Variants in BRSK2 observed in about 807,000 individuals in gnomAD.
BRSK2 encodes the protein BR serine/threonine kinase 2.
Under a neutral mutation model 83.3 loss-of-function variants are expected in BRSK2, and 19 were observed. The ratio of observed to expected loss-of-function variants is 0.23; its 90% CI spans 0.16 to 0.33. The LOEUF (loss-of-function observed/expected upper bound fraction) is 0.33, where lower values mean the gene tolerates loss of function less well. Ranked by LOEUF, BRSK2 falls within the 10% of genes least tolerant of loss-of-function variation. The probability of loss-of-function intolerance (pLI) is 1.00; values close to 1 mark genes in which losing one functional copy is unlikely to be tolerated. For missense variants in BRSK2, 798 were observed against 1,042.3 expected, an observed-to-expected ratio of 0.77 and a Z score of 3.23; for synonymous variants, 519 against 435.4, an observed-to-expected ratio of 1.19 and a Z score of -2.39.
chr11:1,416,002 T>C (rs1268914451), intron 1 of BRSK2, among the ~76,000 whole-genome samples: 3 of 152,274 alleles, frequency 2.0e-5, no homozygotes, highest in Admixed American at 2.0e-4. Context: ...CAGTGGGAAC[T>C]GGAACCAGGC....
Position 1,438,990 on chromosome 11 carries a change from C to T in BRSK2, c.272+599C>T, listed in dbSNP as rs547073855. Among the ~76,000 whole-genome samples, 32 of 152,202 alleles carry T rather than the reference C, an allele frequency of 2.1e-4. No homozygotes were observed. The South Asian group carries it at 3.9e-3, about 19-fold the overall frequency. On this transcript the variant is annotated intron_variant, in intron 3 of 19. Transcript: ENST00000528841. This position sits in a 1 kb window ranked among gnomAD's most constrained non-coding sequence, Gnocchi z 6.4. ...TGGGAATGGGCACAGTGGTCACTCA[C>T]GGCAGTCTCCTCTGTGTGCTCTGAT... is the stretch of plus-strand genomic sequence containing the variant.
At chr11:1,457,880 T>TGG (rs1846826089) in intron 18 of BRSK2, among the ~76,000 whole-genome samples, 1 of 152,030 alleles carries the variant, frequency 6.6e-6, no homozygotes, top group Admixed American at 6.6e-5. Flanking sequence ...GAAGCCCCAG[T>TGG]GGGTGGAGGA....
intron 1 of BRSK2, among the ~76,000 whole-genome samples, chr11:1,414,425 C>T (rs1847881010): frequency 6.6e-6 from 1 of 152,128 alleles, no homozygotes; most frequent in Non-Finnish European, 1.5e-5. Flanking sequence ...CCAGGATGAA[C>T]TTATGTGTGG....
At chr11:1,437,554 G>T (rs2133029142) in intron 2 of BRSK2, among the ~76,000 whole-genome samples, 1 of 152,326 alleles carries the variant, frequency 6.6e-6, no homozygotes, top group Admixed American at 6.5e-5. Context: ...CCTCCCTGGG[G>T]CCCTCCCCAC....
rs566222484 is a variant in BRSK2, at chr11:1,450,208, C to A, written c.1287+372C>A. On this transcript the variant is annotated intron_variant, in intron 13 of 19. Transcript: ENST00000528841. ...CTGCCCCCACCCCGCTCGCTCCCTG[C>A]GCCTCCCCGTAGCCTATTAGGAAGC... Among the ~76,000 whole-genome samples, 6 of 151,840 alleles carry A rather than the reference C, an allele frequency of 4.0e-5. No individual in the cohort carries two copies. The East Asian group carries it at 1.2e-3, about 30-fold the overall frequency.
rs1045550397 is a variant in BRSK2, at chr11:1,420,303, G to A, written c.92-15737G>A. Among the ~76,000 whole-genome samples the A allele has an allele frequency of 2.6e-5, 4 of 152,362 alleles. No homozygotes were observed. In the East Asian group the frequency reaches 7.7e-4, roughly 29 times the overall value. ...TACCCTTCTTGTTGGCCCAGAGAGG[G>A]GAGAGGCTGGCCAGGGCTGTCCCAA... On this transcript the variant is annotated intron_variant, in intron 1 of 19. Transcript: ENST00000528841.
chr11:1,410,700 C>A (rs61867658), intron 1 of BRSK2: 191,857 of 985,222 alleles, frequency 0.19, 20,119 homozygotes, highest in Non-Finnish European at 0.21. Context: ...CCCTCAGGAG[C>A]CCCCGCCTGC....
intron 1 of BRSK2, among the ~76,000 whole-genome samples, chr11:1,398,603 C>T (rs914386317): frequency 6.6e-6 from 1 of 152,152 alleles, no homozygotes; most frequent in Admixed American, 6.5e-5. Context: ...TTCTGCAGAG[C>T]GCAGGGCAGC....
At chr11:1,444,887 C>A in intron 8 of BRSK2, 84 bp from the exon 9 acceptor site, 1 of 1,320,294 alleles carries the variant, frequency 7.6e-7, no homozygotes, top group Non-Finnish European at 1.1e-6. Flanking sequence ...GTGCTCCCAG[C>A]GCCCCTGCCT....
Position 1,443,548 on chromosome 11 carries a change from C to G in BRSK2, c.693C>G (p.Gly231=). The change falls in exon 8 of 20, where the codon GGC becomes GGG. Residue 231 remains glycine, a synonymous_variant. Transcript: ENST00000528841. The stretch of plus-strand genomic sequence containing the variant: ...AGCTGCTGGAGAAGGTGAAGCGGGG[C>G]GTGTTCCACATGCCGCACTTTATCC... ...LRQLLEKVKR[G]VFHMPHFIPP... 1 of 1,609,986 alleles carries G rather than the reference C, an allele frequency of 6.2e-7. No homozygotes were observed. Among genetic ancestry groups the G allele is most frequent in the South Asian group, 1.1e-5 (1 of 90,660 alleles).
At chr11:1,429,074 GGT>G (rs1187777510) in intron 1 of BRSK2, among the ~76,000 whole-genome samples, 15 of 148,430 alleles carry the variant, frequency 1.0e-4, no homozygotes, top group East Asian at 2.0e-4. Flanking sequence ...TGTGTGCATG[GGT>G]GTGTGTCCTG....
intron 1 of BRSK2, among the ~76,000 whole-genome samples, chr11:1,425,753 AC>A (rs1849140951): frequency 6.6e-6 from 1 of 151,352 alleles, no homozygotes; most frequent in Admixed American, 6.6e-5. Flanking sequence ...TTGGGAACCC[AC>A]CCCCTTCTGG....
In BRSK2 at chr11:1,436,142, G is replaced by A; in HGVS notation, c.186+8G>A. 2 of 1,175,136 alleles carry A rather than the reference G, an allele frequency of 1.7e-6. No individual in the cohort carries two copies. Among genetic ancestry groups the A allele is most frequent in the Non-Finnish European group, 2.3e-6 (2 of 851,734 alleles). 72.8% of individuals were successfully genotyped at this position (1,175,136 alleles called of 1,614,324 possible). A position where few individuals can be genotyped will look rare whatever the true frequency, so the allele number is the denominator to read the frequency against. On this transcript the variant is annotated splice_region_variant and intron_variant, in intron 2 of 19. Coordinates refer to ENST00000528841, the MANE Select transcript of BRSK2 (RefSeq NM_001256627.2). ...GAGTCGGTGCTGATGAAGGTGGGTG[G>A]GGCCGGGGAGGGAGGCGGGGCCGGC... is the stretch of plus-strand genomic sequence containing the variant.
chr11:1,419,975 T>G (rs1184981918), intron 1 of BRSK2, among the ~76,000 whole-genome samples: 1 of 152,234 alleles, frequency 6.6e-6, no homozygotes, highest in East Asian at 1.9e-4. Flanking sequence ...CTCCCGATTC[T>G]GCTCCAGGCT....
chr11:1,407,462 G>A (rs1361368227), intron 1 of BRSK2, among the ~76,000 whole-genome samples: 2 of 152,118 alleles, frequency 1.3e-5, no homozygotes, highest in African/African-American at 4.8e-5. Flanking sequence ...CCTCCCCTCC[G>A]AGGCCCTTGT....
chr11:1,408,469 G>A (rs899481493), intron 1 of BRSK2, among the ~76,000 whole-genome samples: 1 of 152,182 alleles, frequency 6.6e-6, no homozygotes, highest in African/African-American at 2.4e-5. Flanking sequence ...CCACCAGGCT[G>A]GGGGTATCCT....
chr11:1,446,359 AGGGCTGGGCTGAGCTGGGCAGGGCT>A (rs1329229372), intron 12 of BRSK2, among the ~76,000 whole-genome samples: 4 of 99,286 alleles, frequency 4.0e-5, no homozygotes, highest in Admixed American at 4.0e-4. Flanking sequence ...TGAGCTGGGC[AGGGCTGGGCTGAGCTGGGCAGGGCT>A]GGGCTGGGCT....
chr11:1,397,016 G>A (rs571299551), intron 1 of BRSK2, among the ~76,000 whole-genome samples: 62 of 152,364 alleles, frequency 4.1e-4, no homozygotes, highest in African/African-American at 1.5e-3. Flanking sequence ...CGGCAGACCA[G>A]CATCTGTCAG....
intron 12 of BRSK2, among the ~76,000 whole-genome samples, chr11:1,446,379 AGGGCT>A (rs147303419): frequency 1.7e-5 from 2 of 118,258 alleles, no homozygotes. Flanking sequence ...TGAGCTGGGC[AGGGCT>A]GGGCTGGGCT....
Sources: allele counts gnomAD v4.1 joint callset (sites outside exome capture counted in the v4.1 genomes callset), GRCh38; gene constraint gnomAD v4.1.1; non-coding constraint Gnocchi (gnomAD v3.1); transcripts MANE v1.5; gene names NCBI Gene and HGNC (gene_info 2026-07-23, HGNC 2026-07-21).